Variants in RYR2 observed in about 807,000 individuals in gnomAD.
The protein encoded by RYR2 is ryanodine receptor 2, also known as cardiac muscle ryanodine receptor-calcium release channel.
Under a neutral mutation model 601.1 loss-of-function variants are expected in RYR2, and 227 were observed. That is an observed-to-expected ratio of 0.38 (90% CI 0.34 to 0.42). The LOEUF is 0.42. Ranked by LOEUF, RYR2 falls within the 10% of genes least tolerant of loss-of-function variation. The pLI, the probability that RYR2 is intolerant of heterozygous loss-of-function variation, is 1.00. For synonymous variants in RYR2, 2,223 were observed against 2,175.1 expected (o/e 1.02, Z -0.61); for missense variants, 4,646 against 6,156.5 (o/e 0.75, Z 8.21).
In RYR2 at chr1:237,687,488, T is replaced by A; in HGVS notation, c.9051T>A (p.His3017Gln). 3.1e-6 allele frequency: 5 copies of A among 1,606,948 alleles called. No homozygotes were observed. The highest frequency in any genetic ancestry group is 4.3e-6 in the Non-Finnish European group (5 of 1,175,632). The change falls in exon 63 of 105, where the codon CAT (histidine) becomes CAA (glutamine). Residue 3017 changes from histidine to glutamine, a missense_variant. Coordinates refer to ENST00000366574, the MANE Select transcript of RYR2 (RefSeq NM_001035.3). ...LFCKLGVLVR[H>Q]RISLFGNDAT... Reference sequence around the variant, plus strand: ...GCAAACTTGGAGTTCTTGTCAGGCATAGGATTTCACTATTTGGTAAGGAGA... The same window carrying A: ...GCAAACTTGGAGTTCTTGTCAGGCAAAGGATTTCACTATTTGGTAAGGAGA...
intron 68 of RYR2, 22 bp from the exon 69 acceptor site, chr1:237,708,836 A>G (rs563645772): frequency 1.9e-6 from 3 of 1,595,832 alleles, no homozygotes; most frequent in African/African-American, 2.7e-5. Context: ...AGAGCAGAAT[A>G]CTAATGTCTG....
chr1:237,578,120 A>C (rs12133120), intron 29 of RYR2, among the ~76,000 whole-genome samples: 45,378 of 151,898 alleles, frequency 0.3, 7,246 homozygotes, highest in East Asian at 0.61. Flanking sequence ...TGAAATTCCT[A>C]AAGAAGAAAC....
rs74747950 is a variant in RYR2 at position 237,417,609 on chromosome 1, A to G, written c.848+486A>G. On this transcript the variant is annotated intron_variant, in intron 11 of 104. Coordinates refer to ENST00000366574, the MANE Select transcript of RYR2 (RefSeq NM_001035.3). ...CTGGAAGTCACTATATTTACTTAAA[A>G]ATCACTTGATAGCTAAGTACAAATC... Among the ~76,000 whole-genome samples, 1,013 of 152,316 alleles carry G rather than the reference A, an allele frequency of 6.7e-3. 3 individuals are homozygous for G. The highest frequency in any genetic ancestry group is 0.011 in the Non-Finnish European group (767 of 68,016).
At chr1:237,292,004 G>A (rs183390532) in intron 2 of RYR2, among the ~76,000 whole-genome samples, 3 of 152,296 alleles carry the variant, frequency 2.0e-5, no homozygotes, top group African/African-American at 4.8e-5. Flanking sequence ...GGGGGAAGCC[G>A]TGCATGTGTA....
chr1:237,349,078 A>T (rs1355196920), intron 3 of RYR2, among the ~76,000 whole-genome samples: 1 of 152,192 alleles, frequency 6.6e-6, no homozygotes, highest in Non-Finnish European at 1.5e-5. Flanking sequence ...ACTGTGATGG[A>T]TTTGGAGCTA....
At position 237,511,706 on chromosome 1, in the gene RYR2, A is replaced by G; in HGVS notation, c.2737A>G (p.Arg913Gly). 1 of 1,571,794 alleles carries G rather than the reference A, an allele frequency of 6.4e-7. No individual in the cohort carries two copies. Among genetic ancestry groups the G allele is most frequent in the Non-Finnish European group, 8.6e-7 (1 of 1,156,960 alleles). ...GTTTCAGGTTAGAGATGACAACAAG[A>G]GACAACACCCATGCCTGGTGGAGTT... is the stretch of plus-strand genomic sequence containing the variant. ...QYGPVRDDNK[R>G]QHPCLVEFSK... is the part of the protein sequence containing the mutation. Residue 913 changes from arginine to glycine, a missense_variant, in exon 24 of 105, where the codon AGA becomes GGA. Coordinates refer to ENST00000366574, the MANE Select transcript of RYR2 (RefSeq NM_001035.3).
Position 237,546,400 on chromosome 1 carries a change from C to T in RYR2, c.2907-2031C>T, listed in dbSNP as rs551561503. On this transcript the variant is annotated intron_variant, in intron 25 of 104. Transcript: ENST00000366574. ...TGTTGTTGTTGTTGTTTTTTTGAGA[C>T]AGAGTCTCGCCGTGTCACCCAGGCC... Among the ~76,000 whole-genome samples the T allele has an allele frequency of 4.5e-4, 68 of 152,166 alleles. 1 individual carries two copies. Among genetic ancestry groups the T allele is most frequent in the African/African-American group, 1.6e-3 (68 of 41,510 alleles).
At chr1:237,628,470 G>A (rs1679915360) in intron 41 of RYR2, among the ~76,000 whole-genome samples, 3 of 150,066 alleles carry the variant, frequency 2.0e-5, no homozygotes. Flanking sequence ...AATATGCGGT[G>A]TTTGGTTTTT....
At chr1:237,658,546 C>T (rs1245320948) in intron 54 of RYR2, among the ~76,000 whole-genome samples, 3 of 152,064 alleles carry the variant, frequency 2.0e-5, no homozygotes, top group Non-Finnish European at 4.4e-5. Flanking sequence ...TGCACACCAC[C>T]ATACCTTGCT....
chr1:237,431,668 T>G (rs1706816984), intron 12 of RYR2, among the ~76,000 whole-genome samples: 1 of 152,172 alleles, frequency 6.6e-6, no homozygotes, highest in Non-Finnish European at 1.5e-5. Flanking sequence ...TGACTACTTC[T>G]TTTTTGGAAG....
Position 237,375,367 on chromosome 1 carries a change from T to C in RYR2, c.463+572T>C, listed in dbSNP as rs80190064. 1.0e-3 allele frequency among the ~76,000 whole-genome samples: 152 copies of C among 152,342 alleles called. 1 individual carries two copies. Among genetic ancestry groups the C allele is most frequent in the African/African-American group, 2.8e-3 (118 of 41,586 alleles). ...TTCTCAATACTCTGAGGACTTTGCATTGACTTTATATATCCCTATAAAATT... is the reference window on the plus strand; with the variant it reads ...TTCTCAATACTCTGAGGACTTTGCACTGACTTTATATATCCCTATAAAATT... On this transcript the variant is annotated intron_variant, in intron 7 of 104. Coordinates refer to ENST00000366574, the MANE Select transcript of RYR2 (RefSeq NM_001035.3).
At chr1:237,345,739 A>G (rs940317625) in intron 3 of RYR2, among the ~76,000 whole-genome samples, 1 of 149,010 alleles carries the variant, frequency 6.7e-6, no homozygotes, top group Non-Finnish European at 1.5e-5. Context: ...TAAGCTGAAT[A>G]TTTTCTAACA....
At chr1:237,362,655 C>T (rs1392284007) in intron 4 of RYR2, among the ~76,000 whole-genome samples, 1 of 152,122 alleles carries the variant, frequency 6.6e-6, no homozygotes, top group Non-Finnish European at 1.5e-5. Context: ...TTGAATGTCT[C>T]CTGATGCTAT....
At chr1:237,290,750 A>G (rs1692108093) in intron 2 of RYR2, among the ~76,000 whole-genome samples, 1 of 152,206 alleles carries the variant, frequency 6.6e-6, no homozygotes, top group African/African-American at 2.4e-5. Context: ...TAAGTGGATA[A>G]AATTTTACTA....
intron 1 of RYR2, among the ~76,000 whole-genome samples, chr1:237,188,621 A>G (rs967280886): frequency 7.9e-5 from 12 of 151,946 alleles, no homozygotes; most frequent in African/African-American, 2.9e-4. Flanking sequence ...GCTGGAGTGC[A>G]GTGGCACGAT....
intron 38 of RYR2, among the ~76,000 whole-genome samples, chr1:237,620,548 G>T (rs2148630092): frequency 6.6e-6 from 1 of 152,162 alleles, no homozygotes; most frequent in East Asian, 1.9e-4. Flanking sequence ...CTATATGCTT[G>T]CTATGAGAAA....
chr1:237,770,043 G>A (rs945840008), intron 84 of RYR2, among the ~76,000 whole-genome samples: 5 of 152,136 alleles, frequency 3.3e-5, no homozygotes, highest in African/African-American at 1.2e-4. Flanking sequence ...TGTTAGTGTT[G>A]GATGATGCAG....
At chr1:237,425,748 G>A (rs900875272) in intron 12 of RYR2, among the ~76,000 whole-genome samples, 2 of 151,932 alleles carry the variant, frequency 1.3e-5, no homozygotes, top group East Asian at 3.9e-4. Context: ...AGGAGGAGGA[G>A]GAAGAAGAGG....
intron 10 of RYR2, among the ~76,000 whole-genome samples, chr1:237,408,001 G>A (rs1704082354): frequency 6.6e-6 from 1 of 152,038 alleles, no homozygotes; most frequent in Non-Finnish European, 1.5e-5. Flanking sequence ...TTGTCTTTCA[G>A]TCTCTGGCTT....
Sources: allele counts gnomAD v4.1 joint callset (sites outside exome capture counted in the v4.1 genomes callset), GRCh38; gene constraint gnomAD v4.1.1; transcripts MANE v1.5; gene names NCBI Gene and HGNC (gene_info 2026-07-23, HGNC 2026-07-21).